Variants in PCDH17 observed in about 807,000 individuals in gnomAD.
PCDH17 encodes the protein protocadherin 17.
In PCDH17, 21 loss-of-function variants were observed where a neutral mutation model predicts 67.7. The observed-to-expected ratio is 0.31, with a 90% CI of 0.22 to 0.45. PCDH17 has a LOEUF of 0.45. PCDH17 is among the 20% of genes least tolerant of loss of function. The probability of loss-of-function intolerance (pLI) is 1.00; values close to 1 mark genes in which losing one functional copy is unlikely to be tolerated. For missense variants in PCDH17, 1,471 were observed against 1,564.8 expected (o/e 0.94, Z 1.01); for synonymous variants, 701 against 656.7 (o/e 1.07, Z -1.03).
At position 57,633,305 on chromosome 13, in the gene PCDH17, C is replaced by T. The variant is rs140087660; in HGVS notation, c.759C>T (p.Pro253=). 8 of 1,613,182 alleles carry T rather than the reference C, an allele frequency of 5.0e-6. No homozygotes were observed. The East Asian group carries it at 1.8e-4, about 36-fold the overall frequency. The change falls in exon 1 of 4, where the codon CCC becomes CCT. Residue 253 remains proline (P), a synonymous_variant. Coordinates refer to ENST00000377918, the MANE Select transcript of PCDH17 (RefSeq NM_001040429.3). The surrounding 1 kb of genome is among the most constrained non-coding windows in gnomAD (Gnocchi z 6.2). ...FEAPSYLVEL[P]ENAPLGTVVI... ...CGCCATCCTACTTGGTGGAACTGCC[C>T]GAGAACGCTCCGCTGGGTACAGTGG...
At chr13:57,668,296 A>T (rs1955279968) in intron 3 of PCDH17, among the ~76,000 whole-genome samples, 1 of 152,086 alleles carries the variant, frequency 6.6e-6, no homozygotes, top group South Asian at 2.1e-4. Flanking sequence ...AGACCCATCT[A>T]TGTGAATGAC....
chr13:57,716,929 A>G (rs1428284687), intron 3 of PCDH17, among the ~76,000 whole-genome samples: 2 of 151,950 alleles, frequency 1.3e-5, no homozygotes. Flanking sequence ...ACTTCTTTAA[A>G]GTAATTGCTG....
intron 3 of PCDH17, among the ~76,000 whole-genome samples, chr13:57,671,289 C>A: frequency 6.7e-6 from 1 of 149,522 alleles, no homozygotes; most frequent in African/African-American, 2.5e-5. Flanking sequence ...AAAAGAAAAC[C>A]ATGGAATATT....
chr13:57,706,341 C>G (rs139755031), intron 3 of PCDH17, among the ~76,000 whole-genome samples: 1 of 152,158 alleles, frequency 6.6e-6, no homozygotes, highest in South Asian at 2.1e-4. Flanking sequence ...TTAATTTTGT[C>G]ATTTCAGTCT....
intron 3 of PCDH17, among the ~76,000 whole-genome samples, chr13:57,702,047 A>T (rs1379805332): frequency 6.6e-6 from 1 of 151,906 alleles, no homozygotes; most frequent in African/African-American, 2.4e-5. Flanking sequence ...TCTCCCGAGT[A>T]GCTGGGATTA....
chr13:57,684,028 T>A (rs537002902), intron 3 of PCDH17, among the ~76,000 whole-genome samples: 18 of 151,988 alleles, frequency 1.2e-4, no homozygotes, highest in East Asian at 3.9e-4. Context: ...CGAGGTGAGA[T>A]ACCCTTGAAT....
At chr13:57,663,466 G>C (rs1955209103) in intron 1 of PCDH17, among the ~76,000 whole-genome samples, 1 of 152,048 alleles carries the variant, frequency 6.6e-6, no homozygotes, top group Non-Finnish European at 1.5e-5. Flanking sequence ...TAATTAAATG[G>C]TGCTGTCATA....
intron 3 of PCDH17, among the ~76,000 whole-genome samples, chr13:57,667,399 T>G (rs1955267659): frequency 6.6e-6 from 1 of 152,088 alleles, no homozygotes; most frequent in Non-Finnish European, 1.5e-5. Flanking sequence ...CTTAAATACA[T>G]ATATTTTTGT....
At chr13:57,658,803 G>A (rs983615705) in intron 1 of PCDH17, among the ~76,000 whole-genome samples, 1 of 151,936 alleles carries the variant, frequency 6.6e-6, no homozygotes, top group Admixed American at 6.6e-5. Flanking sequence ...GTTTTGAGGC[G>A]GATTCTTGCT....
chr13:57,694,994 A>T (rs915376227), intron 3 of PCDH17, among the ~76,000 whole-genome samples: 2 of 151,148 alleles, frequency 1.3e-5, no homozygotes, highest in Non-Finnish European at 3.0e-5. Flanking sequence ...AGTGTTTTGT[A>T]TTTTATTAAC....
chr13:57,631,197 C>T (rs576304613), upstream of PCDH17, among the ~76,000 whole-genome samples: 1 of 151,896 alleles, frequency 6.6e-6, no homozygotes, highest in Non-Finnish European at 1.5e-5. Context: ...TTTTATTCCT[C>T]GCCAAGGTTT....
chr13:57,700,243 A>G (rs1955649131), intron 3 of PCDH17, among the ~76,000 whole-genome samples: 1 of 151,610 alleles, frequency 6.6e-6, no homozygotes, highest in Non-Finnish European at 1.5e-5. Context: ...AAATAAACAT[A>G]TTTTATTTTA....
At chr13:57,651,300 A>G (rs1403047791) in intron 1 of PCDH17, among the ~76,000 whole-genome samples, 2 of 151,810 alleles carry the variant, frequency 1.3e-5, no homozygotes, top group East Asian at 1.9e-4. Context: ...TTCTAGGCCA[A>G]TCAATGGATA....
intron 1 of PCDH17, among the ~76,000 whole-genome samples, chr13:57,663,892 T>A (rs1402524433): frequency 6.6e-6 from 1 of 152,082 alleles, no homozygotes; most frequent in Non-Finnish European, 1.5e-5. Context: ...TCTCTTGCTA[T>A]TCCTCAGATT....
chr13:57,713,601 A>G (rs1487112452), intron 3 of PCDH17, among the ~76,000 whole-genome samples: 4 of 151,584 alleles, frequency 2.6e-5, no homozygotes, highest in Non-Finnish European at 4.4e-5. Context: ...AAATGCCTGT[A>G]TTTTATTCTA....
chr13:57,693,344 A>ATATATATATATATATATATC (rs1384014902), intron 3 of PCDH17, among the ~76,000 whole-genome samples: 2 of 141,038 alleles, frequency 1.4e-5, no homozygotes, highest in South Asian at 2.2e-4. Context: ...ATATATATAT[A>ATATATATATATATATATATC]TCAAGGAGTT....
In PCDH17 at chr13:57,725,002, C is replaced by T; in HGVS notation, c.3188C>T (p.Ala1063Val). The T allele has an allele frequency of 6.2e-7, 1 of 1,614,144 alleles. No individual in the cohort carries two copies. The highest frequency in any genetic ancestry group is 1.1e-5 in the South Asian group (1 of 91,080). ...SLDGCEAKPG[A>V]LAEASSQYLP... ...GATGGCTGTGAAGCAAAACCAGGAG[C>T]CCTGGCTGAAGCAAGCAGTCAGTAC... is the stretch of plus-strand genomic sequence containing the variant. Residue 1063 changes from alanine to valine, a missense_variant, in exon 4 of 4, where the codon GCC becomes GTC. By Grantham distance (64) the Ala-to-Val change is moderately conservative. Coordinates refer to ENST00000377918, the MANE Select transcript of PCDH17 (RefSeq NM_001040429.3).
At chr13:57,637,109 C>A (rs1303521099) in intron 1 of PCDH17, among the ~76,000 whole-genome samples, 1 of 152,060 alleles carries the variant, frequency 6.6e-6, no homozygotes, top group African/African-American at 2.4e-5. Flanking sequence ...AAAGCAAATA[C>A]ACACGTGCGC....
chr13:57,666,679 C>T lies in PCDH17; in HGVS notation c.2643C>T (p.Asp881=). The T allele has an allele frequency of 1.2e-6, 2 of 1,612,154 alleles. No homozygotes were observed. The highest frequency in any genetic ancestry group is 1.7e-6 in the Non-Finnish European group (2 of 1,178,954). ...QFVQSSSTFK[D]PERASLRDSG... Reference sequence around the variant, plus strand: ...ATTTCAGTAGCTCCACGTTTAAGGACCCAGAAAGAGCCAGCCTGAGAGACA... The same window carrying T: ...ATTTCAGTAGCTCCACGTTTAAGGATCCAGAAAGAGCCAGCCTGAGAGACA... Residue 881 remains aspartate, a synonymous_variant, in exon 3 of 4, where the codon GAC becomes GAT. Coordinates refer to ENST00000377918, the MANE Select transcript of PCDH17 (RefSeq NM_001040429.3).
Sources: allele counts gnomAD v4.1 joint callset (sites outside exome capture counted in the v4.1 genomes callset), GRCh38; gene constraint gnomAD v4.1.1; non-coding constraint Gnocchi (gnomAD v3.1); transcripts MANE v1.5; gene names NCBI Gene and HGNC (gene_info 2026-07-23, HGNC 2026-07-21).